The following CYP3A5 variants were observed in gnomAD, a reference collection of about 807,000 sequenced individuals.
CYP3A5 encodes the protein cytochrome P450 3A5.
In CYP3A5, 51 loss-of-function variants were observed where a neutral mutation model predicts 55.9. The observed-to-expected ratio is 0.91, with a 90% CI of 0.73 to 1.15. The LOEUF (loss-of-function observed/expected upper bound fraction) is 1.15, where lower values mean the gene tolerates loss of function less well. CYP3A5 is among the 50% of genes most tolerant of loss of function. The pLI is 0.00. For missense variants in CYP3A5, 533 were observed against 596.6 expected (o/e 0.89, Z 1.11); for synonymous variants, 196 against 213.9 (o/e 0.92, Z 0.73).
intron 8 of CYP3A5, chr7:99,663,194 C>T: frequency 9.0e-7 from 1 of 1,111,000 alleles, no homozygotes; most frequent in Admixed American, 4.4e-5. Context: ...CATCTCTGGT[C>T]ATAACTGCTT....
chr7:99,661,264 C>T (rs1810414110), intron 9 of CYP3A5, among the ~76,000 whole-genome samples: 1 of 152,198 alleles, frequency 6.6e-6, no homozygotes. Flanking sequence ...TGCAGAATCT[C>T]AAACCCCACC....
At chr7:99,659,349 C>T (rs1299182278) in intron 10 of CYP3A5, 3 of 152,748 alleles carry the variant, frequency 2.0e-5, no homozygotes, top group Non-Finnish European at 4.4e-5. Context: ...CACTCCAGAC[C>T]CTGTTTGCCT....
intron 12 of CYP3A5, among the ~76,000 whole-genome samples, chr7:99,648,695 A>C (rs1808866540): frequency 6.6e-6 from 1 of 152,078 alleles, no homozygotes; most frequent in Admixed American, 6.5e-5. Context: ...TCTTAAGTTA[A>C]AAGGATGAGT....
At position 99,679,960 on chromosome 7, in the gene CYP3A5, T is replaced by A; in HGVS notation, c.-64A>T. 2 of 1,449,398 alleles carry A rather than the reference T, an allele frequency of 1.4e-6. No homozygotes were observed. The highest frequency in any genetic ancestry group is 1.9e-6 in the Non-Finnish European group (2 of 1,030,164). 89.8% of individuals were successfully genotyped at this position (1,449,398 alleles called of 1,614,324 possible). A position where few individuals can be genotyped will look rare whatever the true frequency, so the allele number is the denominator to read the frequency against. ...CTTTTAGCTGAGTGCTGCTGTTTGC[T>A]GGGCTGTTTGCCTGGAGCTTCCCTG... On this transcript the variant is annotated 5_prime_UTR_variant, in exon 1 of 13. Coordinates refer to ENST00000222982, the MANE Select transcript of CYP3A5 (RefSeq NM_000777.5).
At chr7:99,649,927 G>A in intron 12 of CYP3A5, 146 bp downstream of exon 12, 1 of 1,011,398 alleles carries the variant, frequency 9.9e-7, no homozygotes, top group South Asian at 1.7e-5. Context: ...CAGAACTGAA[G>A]CATCCTTAAT....
At chr7:99,648,494 T>G in intron 12 of CYP3A5, 94 bp from the exon 13 acceptor site, 1 of 915,154 alleles carries the variant, frequency 1.1e-6, no homozygotes, top group Non-Finnish European at 1.6e-6. Context: ...AAAAATGCTT[T>G]GCAAGCATAT....
At chr7:99,663,623 A>T in intron 8 of CYP3A5, 1 of 1,002,338 alleles carries the variant, frequency 1.0e-6, no homozygotes, top group Non-Finnish European at 1.2e-6. Flanking sequence ...CCAATCTGTG[A>T]TATGAGGAAA....
chr7:99,655,645 A>C (rs975086834), intron 10 of CYP3A5, among the ~76,000 whole-genome samples: 5 of 152,218 alleles, frequency 3.3e-5, no homozygotes, highest in African/African-American at 1.2e-4. Flanking sequence ...TGGCGATGGC[A>C]CTGAATCTAT....
In CYP3A5 at chr7:99,662,734, G is replaced by T; in HGVS notation, c.865+82C>A. Reference sequence around the variant, plus strand: ...TGTGGCAAAAATTCTCATCTTCCTGGAATACTTCCTGCACATTTTCAGAAC... The same window carrying T: ...TGTGGCAAAAATTCTCATCTTCCTGTAATACTTCCTGCACATTTTCAGAAC... On this transcript the variant is annotated intron_variant, in intron 9 of 12. Transcript: ENST00000222982. This position sits in a 1 kb window ranked among gnomAD's most constrained non-coding sequence, Gnocchi z 4.3. 2 of 1,340,218 alleles carry T rather than the reference G, an allele frequency of 1.5e-6. No individual in the cohort carries two copies. Among genetic ancestry groups the T allele is most frequent in the Non-Finnish European group, 2.1e-6 (2 of 942,144 alleles). The allele number at this position is 1,340,218 out of a possible 1,614,324, so 83.0% of individuals were successfully genotyped here. A position where few individuals can be genotyped will look rare whatever the true frequency, so the allele number is the denominator to read the frequency against.
At chr7:99,660,778 G>C in intron 9 of CYP3A5, 119 bp from the exon 10 acceptor site, 2 of 1,212,192 alleles carry the variant, frequency 1.6e-6, no homozygotes, top group South Asian at 2.7e-5. Context: ...GCAATTCAAA[G>C]TCACACTGGG....
intron 8 of CYP3A5, chr7:99,663,629 G>A: frequency 7.0e-6 from 7 of 1,003,882 alleles, no homozygotes; most frequent in Non-Finnish European, 8.3e-6. Context: ...TGTGATATGA[G>A]GAAAGCACAA....
intron 2 of CYP3A5, among the ~76,000 whole-genome samples, chr7:99,675,532 A>C (rs1163751743): frequency 2.6e-5 from 4 of 151,290 alleles, no homozygotes; most frequent in African/African-American, 9.7e-5. Context: ...CCTTCTGGAC[A>C]TGAGCTTGTG....
rs371415019 is a variant in CYP3A5, at chr7:99,648,944, CT to C, written c.1414-545del. The stretch of plus-strand genomic sequence containing the variant: ...TATTCTTTTCTTTTTAACATCTCCT[CT>C]TGGCTTCCAAGCGTAGTGCAAACGG... On this transcript the variant is annotated intron_variant, in intron 12 of 12. Transcript: ENST00000222982. 1.8e-4 allele frequency among the ~76,000 whole-genome samples: 27 copies of C among 152,288 alleles called. No homozygotes were observed. In the South Asian group the frequency reaches 4.1e-3, roughly 23 times the overall value.
At chr7:99,663,134 ATCT>A (rs1562993602) in intron 8 of CYP3A5, 3 of 1,212,616 alleles carry the variant, frequency 2.5e-6, no homozygotes, top group Non-Finnish European at 3.1e-6. Flanking sequence ...CCTGTTTCTC[ATCT>A]TCTCTGTCTT....
chr7:99,654,454 G>A (rs1039891038), intron 10 of CYP3A5, among the ~76,000 whole-genome samples: 5 of 152,144 alleles, frequency 3.3e-5, no homozygotes, highest in African/African-American at 1.2e-4. Flanking sequence ...GTGTATATGT[G>A]CCACATTTTC....
At chr7:99,663,889 G>C (rs1810697914) in intron 8 of CYP3A5, 79 bp downstream of exon 8, 2 of 1,475,180 alleles carry the variant, frequency 1.4e-6, no homozygotes, top group Admixed American at 2.7e-5. Context: ...TAAAAATACA[G>C]ATACATGCTC....
chr7:99,666,663 T>G lies in CYP3A5; in HGVS notation c.459A>C (p.Gly153=). ...GCCTCAAGTTTCTCACCAATACATC[T>G]CCATACTGGGCAATGATGGGGAACA... is the stretch of plus-strand genomic sequence containing the variant. The part of the protein sequence containing the change: ...KEMFPIIAQY[G]DVLVRNLRRE... Residue 153 remains glycine (G), a synonymous_variant, in exon 6 of 13, where the codon GGA becomes GGC. Coordinates refer to ENST00000222982, the MANE Select transcript of CYP3A5 (RefSeq NM_000777.5). 6.2e-7 allele frequency: 1 copy of G among 1,613,994 alleles called. No homozygotes were observed. The highest frequency in any genetic ancestry group is 8.5e-7 in the Non-Finnish European group (1 of 1,179,946).
intron 7 of CYP3A5, 75 bp from the exon 8 acceptor site, chr7:99,664,170 C>T: frequency 4.2e-6 from 5 of 1,182,520 alleles, no homozygotes; most frequent in Non-Finnish European, 6.1e-6. Context: ...ATAATTTTCT[C>T]TACCAGTAAT....
At chr7:99,678,008 C>T (rs1812459267) in intron 1 of CYP3A5, among the ~76,000 whole-genome samples, 1 of 152,194 alleles carries the variant, frequency 6.6e-6, no homozygotes. Flanking sequence ...AGTAATGCAG[C>T]CTTTGGGTCC....
Sources: gnomAD v4.1 joint callset for allele counts (sites outside exome capture counted in the v4.1 genomes callset) on GRCh38, gnomAD v4.1.1 for gene constraint, Gnocchi (gnomAD v3.1) non-coding constraint, MANE v1.5 for transcripts, NCBI Gene and HGNC (gene_info 2026-07-23, HGNC 2026-07-21) for gene names.